PATJ: variants seen among roughly 807,000 people sequenced by gnomAD.
PATJ encodes the protein PATJ crumbs cell polarity complex component, also known as inaD-like protein.
PATJ carries 190 observed loss-of-function variants against 224.9 expected under a neutral mutation model. The ratio of observed to expected loss-of-function variants is 0.84; its 90% CI spans 0.75 to 0.95. The LOEUF (loss-of-function observed/expected upper bound fraction) is 0.95. Among genes scored for constraint, PATJ ranks in the 40% least tolerant of loss-of-function variants. PATJ has a pLI of 0.00. For missense variants in PATJ, 2,121 were observed against 2,270.3 expected (o/e 0.93, Z 1.34); for synonymous variants, 769 against 820.3 (o/e 0.94, Z 1.07).
intron 31 of PATJ, among the ~76,000 whole-genome samples, chr1:62,051,533 G>A (rs562711597): frequency 1.4e-4 from 21 of 152,240 alleles, no homozygotes; most frequent in South Asian, 4.1e-4. Flanking sequence ...TGCCATGTTA[G>A]CCAGGCTGGT....
At chr1:61,805,570 A>G (rs374072691) in intron 13 of PATJ, 46 bp downstream of exon 13, 1 of 1,151,766 alleles carries the variant, frequency 8.7e-7, no homozygotes, top group African/African-American at 1.5e-5. Context: ...CTCATTTCAC[A>G]TCAAGTTTCT....
intron 31 of PATJ, among the ~76,000 whole-genome samples, chr1:62,061,891 C>T (rs1280462557): frequency 1.3e-5 from 2 of 151,456 alleles, no homozygotes; most frequent in Non-Finnish European, 2.9e-5. Flanking sequence ...GATCTCCTGA[C>T]CTCATGATCC....
intron 12 of PATJ, among the ~76,000 whole-genome samples, chr1:61,802,812 A>G (rs1652812132): frequency 6.6e-6 from 1 of 151,896 alleles, no homozygotes; most frequent in Non-Finnish European, 1.5e-5. Flanking sequence ...AGTGGACTCT[A>G]CTCTCCAAGC....
intron 43 of PATJ, among the ~76,000 whole-genome samples, chr1:62,153,870 A>G (rs1468474127): frequency 1.3e-5 from 2 of 152,078 alleles, no homozygotes; most frequent in African/African-American, 4.8e-5. Context: ...TGAGGCAGAA[A>G]GGTTTGTGCT....
At chr1:62,059,319 T>C (rs758824920) in intron 31 of PATJ, among the ~76,000 whole-genome samples, 10 of 152,154 alleles carry the variant, frequency 6.6e-5, no homozygotes, top group Non-Finnish European at 1.3e-4. Flanking sequence ...TCCTTCTGGG[T>C]GCCCTTTGAA....
intron 1 of PATJ, among the ~76,000 whole-genome samples, chr1:61,756,764 G>A (rs1431033994): frequency 6.6e-6 from 1 of 151,738 alleles, no homozygotes; most frequent in Non-Finnish European, 1.5e-5. Context: ...ATTTTTAGTA[G>A]AGATGAGGTT....
chr1:61,780,294 T>C lies in PATJ; in HGVS notation c.849+4960T>C, dbSNP rs562411380. Among the ~76,000 whole-genome samples the C allele has an allele frequency of 4.4e-4, 67 of 152,210 alleles. 1 individual carries two copies. Among genetic ancestry groups the C allele is most frequent in the Middle Eastern group, 3.4e-3 (1 of 294 alleles). ...GCCTGGCCAACATGGTGAAACCCCGTCGCTACTAAAAATACAAAAAATTAG... is the reference window on the plus strand; with the variant it reads ...GCCTGGCCAACATGGTGAAACCCCGCCGCTACTAAAAATACAAAAAATTAG... On this transcript the variant is annotated intron_variant, in intron 7 of 43. Transcript: ENST00000642238.
intron 33 of PATJ, among the ~76,000 whole-genome samples, chr1:62,104,588 CA>C (rs1009897119): frequency 6.6e-6 from 1 of 151,976 alleles, no homozygotes; most frequent in Non-Finnish European, 1.5e-5. Flanking sequence ...ACAAAACAAA[CA>C]AACAAAAAAA....
intron 28 of PATJ, among the ~76,000 whole-genome samples, chr1:62,008,400 T>C (rs994003799): frequency 1.4e-4 from 21 of 152,200 alleles, no homozygotes; most frequent in African/African-American, 5.1e-4. Context: ...AGAATGCCAT[T>C]AAATCACTTC....
intron 26 of PATJ, among the ~76,000 whole-genome samples, chr1:61,924,519 A>G (rs1445248259): frequency 6.6e-6 from 1 of 152,238 alleles, no homozygotes; most frequent in Non-Finnish European, 1.5e-5. Context: ...TATAAAAATG[A>G]TTCTGAGTTT....
At chr1:61,871,553 ATATATTT>A (rs1203519972) in intron 20 of PATJ, among the ~76,000 whole-genome samples, 9 of 25,570 alleles carry the variant, frequency 3.5e-4, no homozygotes, top group African/African-American at 1.0e-3. Flanking sequence ...ATATATATAT[ATATATTT>A]TTTTTTTTTT....
intron 33 of PATJ, chr1:62,100,429 G>A (rs1183057555): frequency 2.8e-6 from 2 of 717,886 alleles, no homozygotes; most frequent in Non-Finnish European, 5.2e-6. Flanking sequence ...GAGGCAGAGA[G>A]GGAGGGGGGC....
intron 17 of PATJ, among the ~76,000 whole-genome samples, chr1:61,837,093 C>T (rs1660304593): frequency 6.6e-6 from 1 of 152,158 alleles, no homozygotes; most frequent in South Asian, 2.1e-4. Flanking sequence ...TTACATTAAT[C>T]TATTTCATTG....
chr1:61,790,528 G>T (rs1286822), intron 8 of PATJ, among the ~76,000 whole-genome samples: 112,767 of 139,334 alleles, frequency 0.81, 45,343 homozygotes, highest in East Asian at 0.94. Context: ...TTTTTTTTTT[G>T]TTTGAGACAG....
intron 14 of PATJ, among the ~76,000 whole-genome samples, chr1:61,817,161 G>T (rs531316722): frequency 1.3e-5 from 2 of 152,132 alleles, no homozygotes; most frequent in African/African-American, 4.8e-5. Context: ...CGTGAACATA[G>T]GTAGGGGGAG....
chr1:62,072,774 GA>G (rs1657670045), intron 31 of PATJ: 1 of 146,974 alleles, frequency 6.8e-6, no homozygotes, highest in African/African-American at 2.5e-5. Context: ...AGAAGAAAAA[GA>G]AAAAGAAAAG....
intron 21 of PATJ, among the ~76,000 whole-genome samples, chr1:61,875,797 T>C (rs572814298): frequency 1.3e-5 from 2 of 152,314 alleles, no homozygotes; most frequent in African/African-American, 4.8e-5. Context: ...AGCCATATAT[T>C]ACAGTCAATT....
intron 28 of PATJ, among the ~76,000 whole-genome samples, chr1:62,005,950 T>C (rs1377506486): frequency 6.6e-6 from 1 of 152,206 alleles, no homozygotes; most frequent in Non-Finnish European, 1.5e-5. Flanking sequence ...TATTCACACC[T>C]CAGGCAAATC....
At chr1:61,889,655 C>T (rs941788302) in intron 22 of PATJ, among the ~76,000 whole-genome samples, 2 of 152,226 alleles carry the variant, frequency 1.3e-5, no homozygotes, top group African/African-American at 4.8e-5. Context: ...TGAGTGACTT[C>T]TGCGCAGGCA....
Sources: gnomAD v4.1 joint callset for allele counts (sites outside exome capture counted in the v4.1 genomes callset) on GRCh38, gnomAD v4.1.1 for gene constraint, MANE v1.5 for transcripts, NCBI Gene and HGNC (gene_info 2026-07-23, HGNC 2026-07-21) for gene names.